Variants in SERGEF observed in about 807,000 individuals in gnomAD.
The protein encoded by SERGEF is secretion regulating guanine nucleotide exchange factor.
Under a neutral mutation model 50.0 loss-of-function variants are expected in SERGEF, and 51 were observed. The ratio of observed to expected loss-of-function variants is 1.02; its 90% CI spans 0.81 to 1.29. SERGEF has a LOEUF of 1.29. Ranked by LOEUF, SERGEF falls within the 50% of genes most tolerant of loss-of-function variation. The pLI is 0.00. For synonymous variants in SERGEF, 205 were observed against 212.4 expected (o/e 0.97, Z 0.30); for missense variants, 521 against 557.0 (o/e 0.94, Z 0.65).
chr11:17,911,352 T>C (rs1007745801), intron 9 of SERGEF, among the ~76,000 whole-genome samples: 2 of 146,804 alleles, frequency 1.4e-5, no homozygotes, highest in Admixed American at 1.4e-4. Context: ...ATATAATATA[T>C]ATATTTTATA....
chr11:17,979,395 C>G (rs946851920), intron 8 of SERGEF, among the ~76,000 whole-genome samples: 19 of 152,136 alleles, frequency 1.2e-4, no homozygotes, highest in Non-Finnish European at 2.2e-4. Flanking sequence ...CATAAGAACA[C>G]CTGCAGGGTC....
intron 8 of SERGEF, among the ~76,000 whole-genome samples, chr11:17,962,479 G>A (rs1047077919): frequency 2.6e-5 from 4 of 152,020 alleles, no homozygotes; most frequent in Admixed American, 2.6e-4. Context: ...TCTCCTTAAA[G>A]GATTATATAT....
rs536854644 is a variant in SERGEF, at chr11:17,877,898, C to G, written c.1048+310G>C. ...AACCAGAAGCAGTCCAATCATTCTT[C>G]CTTTTTATGTCTGGCTTTCTACACA... On this transcript the variant is annotated intron_variant, in intron 10 of 10. Transcript: ENST00000265965. The G allele has an allele frequency of 4.4e-5, 11 of 249,970 alleles. No homozygotes were observed. The East Asian group carries it at 7.6e-4, about 17-fold the overall frequency. 15.5% of individuals were successfully genotyped at this position (249,970 alleles called of 1,614,324 possible). A position where few individuals can be genotyped will look rare whatever the true frequency, so the allele number is the denominator to read the frequency against.
chr11:17,921,907 A>T (rs576502007), intron 9 of SERGEF, among the ~76,000 whole-genome samples: 280 of 152,234 alleles, frequency 1.8e-3, no homozygotes, highest in African/African-American at 6.6e-3. Flanking sequence ...TTTTTTGTTA[A>T]AGTGACTAAA....
At chr11:17,867,102 A>C (rs997475966) in intron 10 of SERGEF, among the ~76,000 whole-genome samples, 2 of 152,162 alleles carry the variant, frequency 1.3e-5, no homozygotes, top group African/African-American at 2.4e-5. Context: ...ACATTTCAAA[A>C]CCAATCATGT....
chr11:17,940,149 A>G lies in SERGEF; in HGVS notation c.1011+19321T>C, dbSNP rs1297691895. On this transcript the variant is annotated intron_variant, in intron 9 of 10. Coordinates refer to ENST00000265965, the MANE Select transcript of SERGEF (RefSeq NM_012139.4). ...GAGGTCTAGCAAATGAACTGAGTCC[A>G]GTATGGTGGGTTCAACAGGGAAGTT... 3.9e-5 allele frequency among the ~76,000 whole-genome samples: 6 copies of G among 152,192 alleles called. No individual in the cohort carries two copies. The East Asian group carries it at 9.6e-4, about 24-fold the overall frequency.
intron 8 of SERGEF, among the ~76,000 whole-genome samples, chr11:17,970,171 G>C (rs563867963): frequency 1.3e-5 from 2 of 152,310 alleles, no homozygotes; most frequent in South Asian, 2.1e-4. Context: ...CCTGAGTCCA[G>C]TAAGTCTATT....
At chr11:17,954,265 C>T (rs1852822435) in intron 9 of SERGEF, among the ~76,000 whole-genome samples, 3 of 152,156 alleles carry the variant, frequency 2.0e-5, no homozygotes, top group Admixed American at 2.0e-4. Flanking sequence ...ACCAAAGTCC[C>T]ACAGTCTTGA....
chr11:17,847,033 T>C (rs1850627102), intron 10 of SERGEF, among the ~76,000 whole-genome samples: 1 of 152,218 alleles, frequency 6.6e-6, no homozygotes, highest in Admixed American at 6.5e-5. Context: ...ACCTCCACAC[T>C]GGCTGTGCGA....
At chr11:17,926,829 C>G (rs973837220) in intron 9 of SERGEF, 1 of 456,146 alleles carries the variant, frequency 2.2e-6, no homozygotes, top group Non-Finnish European at 4.4e-6. Flanking sequence ...CCACATCTCC[C>G]ACTGTGCAGT....
intron 10 of SERGEF, among the ~76,000 whole-genome samples, chr11:17,848,309 G>A (rs1850651547): frequency 6.6e-6 from 1 of 152,196 alleles, no homozygotes; most frequent in South Asian, 2.1e-4. Flanking sequence ...TAGAAGAAGA[G>A]CAGATATTCA....
chr11:17,923,274 C>T (rs759540319), intron 9 of SERGEF, among the ~76,000 whole-genome samples: 3 of 152,222 alleles, frequency 2.0e-5, no homozygotes, highest in African/African-American at 4.8e-5. Flanking sequence ...AGGGGCCATA[C>T]CTCAGTGCGC....
At chr11:17,930,922 C>T (rs1221754577) in intron 9 of SERGEF, among the ~76,000 whole-genome samples, 3 of 152,138 alleles carry the variant, frequency 2.0e-5, no homozygotes, top group Admixed American at 2.0e-4. Flanking sequence ...CAATCACGCA[C>T]ACCACTGAGC....
At chr11:17,911,625 C>T (rs145819262) in intron 9 of SERGEF, among the ~76,000 whole-genome samples, 280 of 151,840 alleles carry the variant, frequency 1.8e-3, no homozygotes, top group Middle Eastern at 3.4e-3. Flanking sequence ...GTAGTTGGGA[C>T]TACAGGTGCG....
intron 7 of SERGEF, 66 bp downstream of exon 7, chr11:17,992,865 C>T (rs1853746453): frequency 1.5e-6 from 2 of 1,319,486 alleles, no homozygotes; most frequent in South Asian, 1.2e-5. Context: ...TTCAATATCA[C>T]CACTTCAGGC....
intron 9 of SERGEF, 32 bp from the exon 10 acceptor site, chr11:17,878,276 A>G (rs1851276350): frequency 1.3e-6 from 2 of 1,494,530 alleles, no homozygotes; most frequent in African/African-American, 2.8e-5. Flanking sequence ...AAGAAAATGG[A>G]TAGATATTTC....
intron 10 of SERGEF, among the ~76,000 whole-genome samples, chr11:17,814,152 A>G (rs543558575): frequency 9.8e-5 from 15 of 152,370 alleles, no homozygotes; most frequent in African/African-American, 3.1e-4. Context: ...AATTATGGAA[A>G]CCAGTTGTTT....
intron 10 of SERGEF, among the ~76,000 whole-genome samples, chr11:17,817,289 A>T (rs1192058781): frequency 6.7e-6 from 1 of 148,488 alleles, no homozygotes; most frequent in African/African-American, 2.5e-5. Context: ...ATCTTGGCTC[A>T]CTGCAAGTTC....
chr11:17,929,640 G>A (rs772246621), intron 9 of SERGEF, among the ~76,000 whole-genome samples: 4 of 152,128 alleles, frequency 2.6e-5, no homozygotes, highest in African/African-American at 9.7e-5. Context: ...TATGCCAGGC[G>A]CTGTGCTAGG....
Sources: gnomAD v4.1 joint callset for allele counts (sites outside exome capture counted in the v4.1 genomes callset) on GRCh38, gnomAD v4.1.1 for gene constraint, MANE v1.5 for transcripts, NCBI Gene and HGNC (gene_info 2026-07-23, HGNC 2026-07-21) for gene names.